NT5C2: variants seen among roughly 807,000 people sequenced by gnomAD.
The protein encoded by NT5C2 is 5'-nucleotidase, cytosolic II.
In NT5C2, 58 loss-of-function variants were observed where a neutral mutation model predicts 76.1. The ratio of observed to expected loss-of-function variants is 0.76; its 90% CI spans 0.62 to 0.95. The LOEUF is 0.95. Among genes scored for constraint, NT5C2 ranks in the 40% least tolerant of loss-of-function variants. NT5C2 has a pLI of 0.00. For synonymous variants in NT5C2, 229 were observed against 237.4 expected (o/e 0.96, Z 0.32); for missense variants, 478 against 690.3 (o/e 0.69, Z 3.45).
At chr10:103,178,206 A>G (rs2090371383) in intron 2 of NT5C2, among the ~76,000 whole-genome samples, 1 of 152,198 alleles carries the variant, frequency 6.6e-6, no homozygotes. Flanking sequence ...CATCATATAC[A>G]AAATTTAAGA....
intron 4 of NT5C2, among the ~76,000 whole-genome samples, chr10:103,110,336 G>T (rs1414811134): frequency 6.6e-6 from 1 of 152,134 alleles, no homozygotes; most frequent in Non-Finnish European, 1.5e-5. Flanking sequence ...CGCACCTGCA[G>T]TCCCAGCTAC....
chr10:103,158,541 G>T (rs1315985619), intron 3 of NT5C2, among the ~76,000 whole-genome samples: 1 of 152,020 alleles, frequency 6.6e-6, no homozygotes, highest in Non-Finnish European at 1.5e-5. Flanking sequence ...CAGAGGCCAG[G>T]CACGGTGGCT....
intron 4 of NT5C2, among the ~76,000 whole-genome samples, chr10:103,132,289 A>G (rs1438646811): frequency 6.6e-6 from 1 of 152,170 alleles, no homozygotes; most frequent in East Asian, 1.9e-4. Context: ...ACTTAGGAAC[A>G]ATCACAGATT....
chr10:103,188,250 C>A (rs1482896455), intron 1 of NT5C2, among the ~76,000 whole-genome samples: 1 of 151,888 alleles, frequency 6.6e-6, no homozygotes, highest in Non-Finnish European at 1.5e-5. Context: ...CCCAGCTACT[C>A]GGGAGGCTGA....
At chr10:103,142,349 G>A (rs2080604948) in intron 3 of NT5C2, among the ~76,000 whole-genome samples, 1 of 152,188 alleles carries the variant, frequency 6.6e-6, no homozygotes, top group Non-Finnish European at 1.5e-5. Flanking sequence ...TAGATCATCA[G>A]CATGATGGTC....
chr10:103,112,589 C>T (rs1391112567), intron 4 of NT5C2, among the ~76,000 whole-genome samples: 4 of 152,148 alleles, frequency 2.6e-5, no homozygotes. Flanking sequence ...GTCATTTTCC[C>T]TAGAGACATT....
At chr10:103,144,792 A>G (rs552464747) in intron 3 of NT5C2, among the ~76,000 whole-genome samples, 9 of 152,356 alleles carry the variant, frequency 5.9e-5, no homozygotes, top group African/African-American at 2.2e-4. Flanking sequence ...AGAAAGAGCT[A>G]GGACAGACTT....
intron 3 of NT5C2, chr10:103,153,541 A>C: frequency 2.0e-6 from 2 of 985,416 alleles, no homozygotes; most frequent in Non-Finnish European, 2.4e-6. Flanking sequence ...ACTAGGAAAA[A>C]TAACTAATGG....
intron 4 of NT5C2, among the ~76,000 whole-genome samples, chr10:103,129,186 G>A (rs1282698359): frequency 5.2e-5 from 5 of 95,286 alleles, no homozygotes; most frequent in Middle Eastern, 9.8e-3. Flanking sequence ...CCTCTGCCCG[G>A]CCGCCCCTAC....
chr10:103,165,818 T>C (rs571206754), intron 3 of NT5C2, among the ~76,000 whole-genome samples: 3 of 152,208 alleles, frequency 2.0e-5, no homozygotes, highest in East Asian at 3.9e-4. Flanking sequence ...ATTACAGGCA[T>C]GTACCACCAC....
chr10:103,175,077 ACTGC>A lies in NT5C2; in HGVS notation c.-24-99_-24-96del, dbSNP rs1212367253. The A allele has an allele frequency of 1.9e-5, 13 of 675,626 alleles. No individual in the cohort carries two copies. The African/African-American group carries it at 2.4e-4, about 12-fold the overall frequency. 41.9% of individuals were successfully genotyped at this position (675,626 alleles called of 1,614,324 possible). A position where few individuals can be genotyped will look rare whatever the true frequency, so the allele number is the denominator to read the frequency against. On this transcript the variant is annotated intron_variant, in intron 2 of 18. Transcript: ENST00000404739. Reference sequence around the variant, plus strand: ...AAATCAGAAAAACTCCAGCTTGCAAACTGCCTAATATAATTACCTATTAAAACAC... The same window carrying A: ...AAATCAGAAAAACTCCAGCTTGCAAACTAATATAATTACCTATTAAAACAC...
At chr10:103,181,768 G>A (rs562330244) in intron 1 of NT5C2, among the ~76,000 whole-genome samples, 16 of 152,292 alleles carry the variant, frequency 1.1e-4, no homozygotes, top group African/African-American at 3.6e-4. Flanking sequence ...ACTTTGGGAG[G>A]CCAAGGTGGG....
chr10:103,183,274 TATATATATATATATATATATCA>T (rs2091453624), intron 1 of NT5C2, among the ~76,000 whole-genome samples: 3 of 115,800 alleles, frequency 2.6e-5, no homozygotes, highest in African/African-American at 9.2e-5. Context: ...TATATATATA[TATATATATATATATATATATCA>T]CACACTCCTT....
Position 103,099,830 on chromosome 10 carries a change from T to C in NT5C2, c.633+96A>G, listed in dbSNP as rs1190594742. ...GGGGCAAATCTGTTTTTTCTTTTTT[T>C]AAAAAAAGAAATATTCTGCTCCATT... On this transcript the variant is annotated intron_variant, in intron 9 of 18. Coordinates refer to ENST00000404739, the MANE Select transcript of NT5C2 (RefSeq NM_001351169.2). The C allele has an allele frequency of 2.1e-5, 16 of 770,930 alleles. No homozygotes were observed. In the South Asian group the frequency reaches 2.7e-4, roughly 13 times the overall value. The allele number at this position is 770,930 out of a possible 1,614,324, so 47.8% of individuals were successfully genotyped here. A position where few individuals can be genotyped will look rare whatever the true frequency, so the allele number is the denominator to read the frequency against.
intron 3 of NT5C2, among the ~76,000 whole-genome samples, chr10:103,167,692 C>T (rs185973063): frequency 7.8e-4 from 119 of 152,104 alleles, no homozygotes; most frequent in Non-Finnish European, 1.4e-3. Context: ...AGTGCAGTGG[C>T]GCAATCATGG....
intron 3 of NT5C2, among the ~76,000 whole-genome samples, chr10:103,144,053 T>C (rs556403261): frequency 6.6e-6 from 1 of 152,322 alleles, no homozygotes; most frequent in Admixed American, 6.5e-5. Flanking sequence ...GATAAAAGCA[T>C]CTACTTTATT....
Position 103,174,827 on chromosome 10 carries a change from GT to G in NT5C2, c.101+30del, listed in dbSNP as rs1408827190. 2.1e-6 allele frequency: 3 copies of G among 1,421,810 alleles called. No individual in the cohort carries two copies. The African/African-American group carries it at 4.2e-5, about 20-fold the overall frequency. 88.1% of individuals were successfully genotyped at this position (1,421,810 alleles called of 1,614,324 possible). ...AAATGAAGTCCCACTTCATAGAGGG[GT>G]TTTGAGGATTAAATAGACAAAATAC... On this transcript the variant is annotated intron_variant, in intron 3 of 18. Transcript: ENST00000404739.
At chr10:103,138,520 G>C (rs1171487389) in intron 4 of NT5C2, among the ~76,000 whole-genome samples, 2 of 152,260 alleles carry the variant, frequency 1.3e-5, no homozygotes, top group Non-Finnish European at 2.9e-5. Context: ...TTATGAGTGA[G>C]AACATGCAGT....
rs1181293596 is a variant in NT5C2 at position 103,129,912 on chromosome 10, C to A, written c.175+9494G>T. 1.0e-4 allele frequency among the ~76,000 whole-genome samples: 8 copies of A among 80,340 alleles called. No individual in the cohort carries two copies. The East Asian group carries it at 3.5e-3, about 35-fold the overall frequency. 52.7% of individuals were successfully genotyped at this position (80,340 alleles called of 152,430 possible). A position where few individuals can be genotyped will look rare whatever the true frequency, so the allele number is the denominator to read the frequency against. The stretch of plus-strand genomic sequence containing the variant: ...TCAGCCCCCCGCCCGGCCAGCCGCC[C>A]CGTCCGGGAGGGAGGTGGGGGGGGT... On this transcript the variant is annotated intron_variant, in intron 4 of 18. Coordinates refer to ENST00000404739, the MANE Select transcript of NT5C2 (RefSeq NM_001351169.2).
Sources: allele counts gnomAD v4.1 joint callset (sites outside exome capture counted in the v4.1 genomes callset), GRCh38; gene constraint gnomAD v4.1.1; transcripts MANE v1.5; gene names NCBI Gene and HGNC (gene_info 2026-07-23, HGNC 2026-07-21).